Variants in GABRG3 observed in about 807,000 individuals in gnomAD.
The protein encoded by GABRG3 is gamma-aminobutyric acid receptor subunit gamma-3.
GABRG3 carries 25 observed loss-of-function variants against 48.8 expected under a neutral mutation model. The observed-to-expected ratio is 0.51, with a 90% CI of 0.37 to 0.72. The LOEUF (loss-of-function observed/expected upper bound fraction) is 0.72. Among genes scored for constraint, GABRG3 ranks in the 30% least tolerant of loss-of-function variants. GABRG3 has a pLI of 0.00. For missense variants in GABRG3, 394 were observed against 577.9 expected (o/e 0.68, Z 3.26); for synonymous variants, 227 against 217.6 (o/e 1.04, Z -0.38).
intron 3 of GABRG3, among the ~76,000 whole-genome samples, chr15:27,254,037 A>T (rs1007377760): frequency 1.3e-5 from 2 of 152,186 alleles, no homozygotes; most frequent in African/African-American, 4.8e-5. Flanking sequence ...AATTGTCCAA[A>T]TTACTGACTA....
chr15:26,980,103 G>A (rs1813292426), intron 2 of GABRG3, among the ~76,000 whole-genome samples: 1 of 151,938 alleles, frequency 6.6e-6, no homozygotes, highest in African/African-American at 2.4e-5. Flanking sequence ...TATATGTTTA[G>A]CATTGTTCAT....
At chr15:27,129,046 CAT>C (rs1310643467) in intron 3 of GABRG3, among the ~76,000 whole-genome samples, 1 of 152,082 alleles carries the variant, frequency 6.6e-6, no homozygotes, top group African/African-American at 2.4e-5. Flanking sequence ...ATATACATAA[CAT>C]AGAACATGTA....
intron 2 of GABRG3, among the ~76,000 whole-genome samples, chr15:27,011,743 G>A (rs544036008): frequency 6.6e-6 from 1 of 152,040 alleles, no homozygotes; most frequent in Admixed American, 6.5e-5. Context: ...AGCTACTCAG[G>A]AGGCTGAGGC....
chr15:27,394,585 AT>A (rs1887243457), intron 5 of GABRG3, among the ~76,000 whole-genome samples: 1 of 152,012 alleles, frequency 6.6e-6, no homozygotes, highest in African/African-American at 2.4e-5. Flanking sequence ...CTGTCTATCC[AT>A]TTGTTTTTTC....
intron 3 of GABRG3, among the ~76,000 whole-genome samples, chr15:27,162,094 A>C (rs552443333): frequency 3.3e-5 from 5 of 152,218 alleles, no homozygotes; most frequent in Non-Finnish European, 5.9e-5. Context: ...TTTACAGCTT[A>C]CTAGTACTGA....
intron 3 of GABRG3, among the ~76,000 whole-genome samples, chr15:27,249,047 A>G (rs967564857): frequency 6.6e-6 from 1 of 152,156 alleles, no homozygotes; most frequent in African/African-American, 2.4e-5. Flanking sequence ...GAGTTTAGTC[A>G]AATGGTCGGA....
At chr15:27,087,897 T>C (rs1288029154) in intron 3 of GABRG3, among the ~76,000 whole-genome samples, 2 of 150,814 alleles carry the variant, frequency 1.3e-5, no homozygotes, top group Non-Finnish European at 3.0e-5. Context: ...GGTGTGTGTG[T>C]GCATGTGTGA....
In GABRG3 at chr15:27,253,328, G is replaced by A. The variant is rs112831151; in HGVS notation, c.271-73481G>A. 3.8e-3 allele frequency among the ~76,000 whole-genome samples: 584 copies of A among 152,306 alleles called. 4 individuals carry two copies. Among genetic ancestry groups the A allele is most frequent in the African/African-American group, 0.013 (559 of 41,568 alleles). ...CCCCAGCCCTGGGATGCTGGGAGGG[G>A]CCTGAGGCTGGATTGCAGGGTCATG... On this transcript the variant is annotated intron_variant, in intron 3 of 9. Coordinates refer to ENST00000615808, the MANE Select transcript of GABRG3 (RefSeq NM_033223.5).
At chr15:27,068,075 C>T (rs1896768543) in intron 3 of GABRG3, among the ~76,000 whole-genome samples, 1 of 152,190 alleles carries the variant, frequency 6.6e-6, no homozygotes, top group African/African-American at 2.4e-5. Context: ...GGCCATGGCT[C>T]AATGGATGGC....
rs117207786 is a variant in GABRG3 at position 27,242,057 on chromosome 15, C to T, written c.271-84752C>T. Among the ~76,000 whole-genome samples the T allele has an allele frequency of 2.3e-3, 343 of 152,334 alleles. 1 individual carries two copies. Among genetic ancestry groups the T allele is most frequent in the Non-Finnish European group, 3.7e-3 (250 of 68,032 alleles). On this transcript the variant is annotated intron_variant, in intron 3 of 9. Coordinates refer to ENST00000615808, the MANE Select transcript of GABRG3 (RefSeq NM_033223.5). ...CCCAGGTTTCTCCCTCAGAGCTCTG[C>T]TGTGTCCCGAATTGCTTCCATCCTC...
At chr15:27,164,370 T>C (rs1370305877) in intron 3 of GABRG3, among the ~76,000 whole-genome samples, 1 of 152,238 alleles carries the variant, frequency 6.6e-6, no homozygotes, top group Non-Finnish European at 1.5e-5. Context: ...AGTTGTCATT[T>C]AGTATCAAAT....
At chr15:27,479,374 G>C (rs984504598) in intron 5 of GABRG3, among the ~76,000 whole-genome samples, 4 of 152,172 alleles carry the variant, frequency 2.6e-5, no homozygotes, top group African/African-American at 9.7e-5. Context: ...CAAGTTAAGG[G>C]AGAGCATGTA....
intron 3 of GABRG3, among the ~76,000 whole-genome samples, chr15:27,111,150 G>C (rs1897541289): frequency 1.3e-5 from 2 of 152,054 alleles, no homozygotes; most frequent in Non-Finnish European, 2.9e-5. Flanking sequence ...AATGTTCAGT[G>C]ATTCTTTCCT....
chr15:27,498,547 G>A (rs113542452), intron 6 of GABRG3, among the ~76,000 whole-genome samples: 2,257 of 152,042 alleles, frequency 0.015, 60 homozygotes, highest in African/African-American at 0.053. Context: ...CCAGGCTGGA[G>A]TGCAGTGGCG....
intron 3 of GABRG3, among the ~76,000 whole-genome samples, chr15:27,122,902 CATGGAAAGCAAGCCGGGAA>C (rs1236580200): frequency 1.3e-5 from 2 of 152,176 alleles, no homozygotes; most frequent in African/African-American, 4.8e-5. Context: ...CTGTGTTTAG[CATGGAAAGCAAGCCGGGAA>C]ATTGTTTCAG....
intron 3 of GABRG3, among the ~76,000 whole-genome samples, chr15:27,198,618 C>T (rs1888583244): frequency 6.6e-6 from 1 of 152,152 alleles, no homozygotes. Flanking sequence ...AGCAGAAATA[C>T]CATTTGACCC....
chr15:27,511,094 A>G (rs929534537), intron 6 of GABRG3, among the ~76,000 whole-genome samples: 1 of 152,268 alleles, frequency 6.6e-6, no homozygotes, highest in Non-Finnish European at 1.5e-5. Context: ...AAAGGAAGAA[A>G]AAACAATTAT....
chr15:27,195,632 G>C (rs1888471395), intron 3 of GABRG3, among the ~76,000 whole-genome samples: 1 of 151,296 alleles, frequency 6.6e-6, no homozygotes, highest in African/African-American at 2.4e-5. Context: ...GTTTTTGTTT[G>C]TTTGTTTTGT....
Position 27,013,073 on chromosome 15 carries a change from GTAGT to G in GABRG3, c.203-13677_203-13674del, listed in dbSNP as rs546808920. Among the ~76,000 whole-genome samples, 40 of 152,240 alleles carry G rather than the reference GTAGT, an allele frequency of 2.6e-4. No homozygotes were observed. The South Asian group carries it at 8.3e-3, about 32-fold the overall frequency. ...TCAGTGAAAAATAAAATATTTTGTA[GTAGT>G]TAGGCTTATCAGCTGTAATGGAATC... On this transcript the variant is annotated intron_variant, in intron 2 of 9. Transcript: ENST00000615808.
Sources: allele counts gnomAD v4.1 joint callset (sites outside exome capture counted in the v4.1 genomes callset), GRCh38; gene constraint gnomAD v4.1.1; transcripts MANE v1.5; gene names NCBI Gene and HGNC (gene_info 2026-07-23, HGNC 2026-07-21).